Variants in ENKUR observed in about 807,000 individuals in gnomAD.
ENKUR encodes the protein enkurin, TRPC channel interacting protein.
Under a neutral mutation model 27.6 loss-of-function variants are expected in ENKUR, and 19 were observed. The observed-to-expected ratio is 0.69, with a 90% CI of 0.48 to 1.01. The LOEUF (loss-of-function observed/expected upper bound fraction) is 1.01, where lower values mean the gene tolerates loss of function less well. ENKUR is among the 50% of genes least tolerant of loss of function. ENKUR has a pLI of 0.00. For synonymous variants in ENKUR, 117 were observed against 96.9 expected, an observed-to-expected ratio of 1.21 and a Z score of -1.22; for missense variants, 312 against 310.5, an observed-to-expected ratio of 1.00 and a Z score of -0.04.
At chr10:25,028,917 A>G (rs926913799) in intron 2 of ENKUR, among the ~76,000 whole-genome samples, 1 of 152,126 alleles carries the variant, frequency 6.6e-6, no homozygotes, top group Non-Finnish European at 1.5e-5. Context: ...TTTGAATTTT[A>G]TATAAATGGA....
rs1366114705 is a variant in ENKUR, at chr10:25,002,581, T to G, written c.78-3035A>C. ...TTGTTCAGAGTCTGATAACTGTTGT[T>G]TCATATATTTTTTTTCTGGTGTTCT... On this transcript the variant is annotated intron_variant, in intron 1 of 5. Transcript: ENST00000331161. 2.0e-5 allele frequency among the ~76,000 whole-genome samples: 3 copies of G among 152,200 alleles called. No homozygotes were observed. In the South Asian group the frequency reaches 6.2e-4, roughly 31 times the overall value.
chr10:25,028,632 A>T (rs956808331), intron 2 of ENKUR, among the ~76,000 whole-genome samples: 3 of 152,148 alleles, frequency 2.0e-5, no homozygotes, highest in African/African-American at 7.2e-5. Flanking sequence ...GTGCTTCTTT[A>T]TTCTCCAATC....
At chr10:25,061,588 A>G (rs1413783860) in intron 1 of ENKUR, among the ~76,000 whole-genome samples, 1 of 152,206 alleles carries the variant, frequency 6.6e-6, no homozygotes, top group Non-Finnish European at 1.5e-5. Context: ...TGATTTTCCA[A>G]ATGCTGGCTA....
In ENKUR at chr10:25,025,534, C is replaced by A. The variant is rs964035371; in HGVS notation, c.38-29665G>T. 3.7e-6 allele frequency: 5 copies of A among 1,363,388 alleles called. No individual in the cohort carries two copies. The African/African-American group carries it at 7.4e-5, about 20-fold the overall frequency. 84.5% of individuals were successfully genotyped at this position (1,363,388 alleles called of 1,614,324 possible). ...CAAACACTGATTTGGAGTACAGTAG[C>A]ATTTTGTCTTTTATGTAAATATCTC... On this transcript the variant is annotated intron_variant, in intron 2 of 5. Coordinates refer to the ENKUR transcript ENST00000615958.
chr10:25,037,840 G>A (rs372803038), intron 2 of ENKUR, among the ~76,000 whole-genome samples: 18 of 152,158 alleles, frequency 1.2e-4, no homozygotes, highest in East Asian at 1.2e-3. Flanking sequence ...TTTATATGCC[G>A]TTTATGACTC....
chr10:25,047,620 A>T (rs1322545618), intron 2 of ENKUR, among the ~76,000 whole-genome samples: 1 of 152,232 alleles, frequency 6.6e-6, no homozygotes, highest in Non-Finnish European at 1.5e-5. Flanking sequence ...TAGTTTTATG[A>T]ATAAGGTAGA....
chr10:25,016,527 G>A (rs1384610192), upstream of ENKUR: 1 of 152,496 alleles, frequency 6.6e-6, no homozygotes, highest in Non-Finnish European at 1.5e-5. Flanking sequence ...GGGAGGGGAG[G>A]AGCCTGAGGA....
At chr10:25,047,510 A>G (rs1382022671) in intron 2 of ENKUR, among the ~76,000 whole-genome samples, 1 of 152,202 alleles carries the variant, frequency 6.6e-6, no homozygotes, top group Admixed American at 6.5e-5. Context: ...CTGTCCTTTC[A>G]GAAAAGTATT....
At chr10:25,032,638 G>T (rs907396214) in intron 2 of ENKUR, among the ~76,000 whole-genome samples, 1 of 152,012 alleles carries the variant, frequency 6.6e-6, no homozygotes, top group Non-Finnish European at 1.5e-5. Flanking sequence ...ACTATTTTAG[G>T]GTCTTGACGT....
At chr10:25,028,659 C>T (rs1170192856) in intron 2 of ENKUR, among the ~76,000 whole-genome samples, 4 of 152,150 alleles carry the variant, frequency 2.6e-5, no homozygotes, top group Non-Finnish European at 5.9e-5. Flanking sequence ...AAGCTCTTCA[C>T]AGAGTTATCT....
rs761819684 is a variant in ENKUR, at chr10:24,985,254, ATCC to A, written c.595-352_595-350del. 3.3e-4 allele frequency among the ~76,000 whole-genome samples: 51 copies of A among 152,340 alleles called. No individual in the cohort carries two copies. The Middle Eastern group carries it at 0.01, about 30-fold the overall frequency. ...TGGGTAAAAAACAACTTAGAATGATATCCTCGAGTCAAAAACATTTTTGAACAG... is the reference window on the plus strand; with the variant it reads ...TGGGTAAAAAACAACTTAGAATGATATCGAGTCAAAAACATTTTTGAACAG... On this transcript the variant is annotated intron_variant, in intron 4 of 5. Coordinates refer to ENST00000331161, the MANE Select transcript of ENKUR (RefSeq NM_145010.4).
At chr10:25,061,778 A>G (rs1851331399) in intron 1 of ENKUR, among the ~76,000 whole-genome samples, 1 of 152,140 alleles carries the variant, frequency 6.6e-6, no homozygotes, top group Non-Finnish European at 1.5e-5. Flanking sequence ...CTAGGCCTGC[A>G]CATTCTTCTC....
intron 3 of ENKUR, among the ~76,000 whole-genome samples, chr10:24,993,929 C>T (rs1456505195): frequency 6.6e-6 from 1 of 152,102 alleles, no homozygotes; most frequent in African/African-American, 2.4e-5. Flanking sequence ...CTGGAAGTGG[C>T]TTTAAGAGCC....
intron 1 of ENKUR, among the ~76,000 whole-genome samples, chr10:25,012,926 A>T (rs1850483098): frequency 6.6e-6 from 1 of 152,198 alleles, no homozygotes; most frequent in African/African-American, 2.4e-5. Context: ...CTCACATTAA[A>T]TTGATGAGAT....
chr10:25,024,335 A>G (rs1309875033), intron 2 of ENKUR: 2 of 1,614,176 alleles, frequency 1.2e-6, no homozygotes, highest in Non-Finnish European at 8.5e-7. Flanking sequence ...CCAAGTTGCA[A>G]TTATATGATA....
chr10:25,009,275 C>A (rs1850386072), intron 1 of ENKUR, among the ~76,000 whole-genome samples: 1 of 151,644 alleles, frequency 6.6e-6, no homozygotes, highest in Admixed American at 6.6e-5. Flanking sequence ...AGTATGCATG[C>A]AGAAATTCTA....
intron 2 of ENKUR, chr10:25,061,058 A>G (rs746792351): frequency 9.4e-5 from 142 of 1,511,782 alleles, no homozygotes; most frequent in Non-Finnish European, 1.2e-4. Flanking sequence ...AAGGCCCCCT[A>G]TTAGGCTGGC....
intron 2 of ENKUR, among the ~76,000 whole-genome samples, chr10:25,054,134 G>A (rs1265607183): frequency 6.6e-6 from 1 of 152,066 alleles, no homozygotes; most frequent in Non-Finnish European, 1.5e-5. Flanking sequence ...AAATTGAATG[G>A]TGCTGGCCGG....
At chr10:24,999,674 A>G in intron 1 of ENKUR, 128 bp from the exon 2 acceptor site, 1 of 856,202 alleles carries the variant, frequency 1.2e-6, no homozygotes, top group African/African-American at 1.7e-5. Flanking sequence ...GCATAATCAT[A>G]AAACATACTT....
Sources: gnomAD v4.1 joint callset for allele counts (sites outside exome capture counted in the v4.1 genomes callset) on GRCh38, gnomAD v4.1.1 for gene constraint, MANE v1.5 for transcripts, NCBI Gene and HGNC (gene_info 2026-07-23, HGNC 2026-07-21) for gene names.